Variants in VCPIP1 observed in about 807,000 individuals in gnomAD.
The protein encoded by VCPIP1 is valosin containing protein interacting protein 1.
VCPIP1 carries 8 observed loss-of-function variants against 85.0 expected under a neutral mutation model. The observed-to-expected ratio is 0.09, with a 90% CI of 0.06 to 0.17. The LOEUF is 0.17. Ranked by LOEUF, VCPIP1 falls within the 10% of genes least tolerant of loss-of-function variation. The pLI is 1.00. For missense variants in VCPIP1, 1,070 were observed against 1,486.3 expected, an observed-to-expected ratio of 0.72 and a Z score of 4.61; for synonymous variants, 543 against 544.5, an observed-to-expected ratio of 1.00 and a Z score of 0.04.
chr8:66,635,259 T>C lies in VCPIP1; in HGVS notation c.2911A>G (p.Ile971Val). 1.2e-6 allele frequency: 2 copies of C among 1,614,168 alleles called. No individual in the cohort carries two copies. Among genetic ancestry groups the C allele is most frequent in the Middle Eastern group, 3.3e-4 (2 of 6,062 alleles). The change falls in exon 3 of 3, where the codon ATT (isoleucine) becomes GTT (valine). Residue 971 changes from isoleucine to valine, a missense_variant. Transcript: ENST00000310421. ...LCVDAAGHFPIGPDVEDLVKE... is the reference protein window; with the variant it reads ...LCVDAAGHFPVGPDVEDLVKE... The stretch of plus-strand genomic sequence containing the variant: ...ACTAAATCTTCAACATCAGGACCAA[T>C]GGGGAAATGTCCTGCAGCATCCACA...
At chr8:66,651,922 G>A (rs1339205633) in intron 1 of VCPIP1, among the ~76,000 whole-genome samples, 3 of 151,146 alleles carry the variant, frequency 2.0e-5, no homozygotes, top group Admixed American at 6.6e-5. Flanking sequence ...GCTCATGCCT[G>A]TAACCCCAGT....
intron 2 of VCPIP1, among the ~76,000 whole-genome samples, chr8:66,638,970 C>CTCTCTCTATATATATATA: frequency 1.4e-4 from 17 of 118,430 alleles, no homozygotes; most frequent in Admixed American, 5.1e-4. Flanking sequence ...CTCTCTCTCT[C>CTCTCTCTATATATATATA]TATATATATA....
intron 2 of VCPIP1, among the ~76,000 whole-genome samples, chr8:66,636,290 G>A (rs973801939): frequency 1.4e-5 from 2 of 147,678 alleles, no homozygotes; most frequent in Admixed American, 1.4e-4. Context: ...GATTGCTACT[G>A]AGATGCTTTT....
Position 66,666,077 on chromosome 8 carries a change from A to C in VCPIP1, c.882T>G (p.Gly294=). 1 of 1,614,186 alleles carries C rather than the reference A, an allele frequency of 6.2e-7. No homozygotes were observed. Among genetic ancestry groups the C allele is most frequent in the Non-Finnish European group, 8.5e-7 (1 of 1,180,050 alleles). The change falls in exon 1 of 3, where the codon GGT becomes GGG. Residue 294 remains glycine (G), a synonymous_variant. Coordinates refer to ENST00000310421, the MANE Select transcript of VCPIP1 (RefSeq NM_025054.5). This position sits in a 1 kb window ranked among gnomAD's most constrained non-coding sequence, Gnocchi z 6.3. The part of the protein sequence containing the change: ...PLGLRNIHIF[G]LANVLHRPII... The stretch of plus-strand genomic sequence containing the variant: ...TAGGACGATGTAGCACATTGGCAAG[A>C]CCAAATATGTGGATATTCCTCAGGC...
chr8:66,656,015 T>C lies in VCPIP1; in HGVS notation c.2711-4471A>G, dbSNP rs868385940. ...GTGGTACTATGAACGCTTTTTCTTTTGGTTTATCCAATTTTTTTCCTATTT... is the reference window on the plus strand; with the variant it reads ...GTGGTACTATGAACGCTTTTTCTTTCGGTTTATCCAATTTTTTTCCTATTT... On this transcript the variant is annotated intron_variant, in intron 1 of 2. Coordinates refer to ENST00000310421, the MANE Select transcript of VCPIP1 (RefSeq NM_025054.5). Among the ~76,000 whole-genome samples, 8 of 152,262 alleles carry C rather than the reference T, an allele frequency of 5.3e-5. No individual in the cohort carries two copies. In the South Asian group the frequency reaches 6.2e-4, roughly 12 times the overall value.
rs1051652031 is a variant in VCPIP1, at chr8:66,665,537, G to T, written c.1422C>A (p.Ala474=). 1 of 1,614,032 alleles carries T rather than the reference G, an allele frequency of 6.2e-7. No homozygotes were observed. The highest frequency in any genetic ancestry group is 1.7e-5 in the Admixed American group (1 of 59,998). The part of the protein sequence containing the change: ...NRLHKCLLCG[A]LSELHVPPEW... Reference sequence around the variant, plus strand: ...CTGGAGGAACATGAAGTTCAGAAAGGGCACCACAGAGCAAACATTTGTGAA... The same window carrying T: ...CTGGAGGAACATGAAGTTCAGAAAGTGCACCACAGAGCAAACATTTGTGAA... The change falls in exon 1 of 3, where the codon GCC becomes GCA. Residue 474 remains alanine (A), a synonymous_variant. Coordinates refer to ENST00000310421, the MANE Select transcript of VCPIP1 (RefSeq NM_025054.5). This position sits in a 1 kb window ranked among gnomAD's most constrained non-coding sequence, Gnocchi z 4.3.
chr8:66,656,211 T>A (rs529367198), intron 1 of VCPIP1, among the ~76,000 whole-genome samples: 46 of 152,350 alleles, frequency 3.0e-4, no homozygotes, highest in Non-Finnish European at 6.0e-4. Context: ...TATTTATTTT[T>A]TGAGATAGGG....
At chr8:66,646,572 G>T (rs1211333675) in intron 2 of VCPIP1, among the ~76,000 whole-genome samples, 1 of 151,946 alleles carries the variant, frequency 6.6e-6, no homozygotes, top group East Asian at 1.9e-4. Flanking sequence ...GAGGAAGGCA[G>T]ATCACTTGAG....
intron 2 of VCPIP1, among the ~76,000 whole-genome samples, chr8:66,636,927 C>T (rs1398438843): frequency 6.6e-6 from 1 of 151,982 alleles, no homozygotes; most frequent in Non-Finnish European, 1.5e-5. Flanking sequence ...GCTGCAACAG[C>T]AGGAAACAAA....
Position 66,628,714 on chromosome 8 carries a change from T to A in VCPIP1, c.*5787A>T, listed in dbSNP as rs1469909489. On this transcript the variant is annotated 3_prime_UTR_variant, in exon 3 of 3. Coordinates refer to ENST00000310421, the MANE Select transcript of VCPIP1 (RefSeq NM_025054.5). ...ACCTCAAGTCCAAGTTTGGGATAAC[T>A]GTAGCCAACACCTAAAGGAAAGGTA... 1 of 152,236 alleles carries A rather than the reference T, an allele frequency of 6.6e-6. No homozygotes were observed. The highest frequency in any genetic ancestry group is 1.5e-5 in the Non-Finnish European group (1 of 68,034). The allele number at this position is 152,236 out of a possible 1,614,324, so 9.4% of individuals were successfully genotyped here. A position where few individuals can be genotyped will look rare whatever the true frequency, so the allele number is the denominator to read the frequency against.
At position 66,644,750 on chromosome 8, in the gene VCPIP1, T is replaced by G. The variant is rs534917856; in HGVS notation, c.2797+6708A>C. ...CTAAAAGTTGCTAAAATATGTGAGT[T>G]TAGCAAGGTCACACATGGGGTACAA... On this transcript the variant is annotated intron_variant, in intron 2 of 2. Coordinates refer to ENST00000310421, the MANE Select transcript of VCPIP1 (RefSeq NM_025054.5). Among the ~76,000 whole-genome samples the G allele has an allele frequency of 2.0e-5, 3 of 151,970 alleles. No individual in the cohort carries two copies. The East Asian group carries it at 5.8e-4, about 29-fold the overall frequency.
At chr8:66,641,222 T>C (rs1046006216) in intron 2 of VCPIP1, among the ~76,000 whole-genome samples, 2 of 152,200 alleles carry the variant, frequency 1.3e-5, no homozygotes, top group African/African-American at 2.4e-5. Context: ...TCAAGGGAAC[T>C]ATCCCGTTTC....
intron 2 of VCPIP1, among the ~76,000 whole-genome samples, chr8:66,644,559 G>T (rs1370449386): frequency 2.0e-5 from 3 of 152,094 alleles, no homozygotes; most frequent in African/African-American, 7.2e-5. Flanking sequence ...CTTACAAAAG[G>T]TATCTGTGAA....
intron 2 of VCPIP1, among the ~76,000 whole-genome samples, chr8:66,638,216 G>A (rs1810907828): frequency 6.6e-6 from 1 of 151,900 alleles, no homozygotes; most frequent in African/African-American, 2.4e-5. Context: ...AGTCAGCCAG[G>A]TTTGGGGCTC....
chr8:66,635,441 T>TTATA, intron 2 of VCPIP1, 69 bp from the exon 3 acceptor site: 2 of 1,380,718 alleles, frequency 1.4e-6, no homozygotes, highest in South Asian at 1.5e-5. Context: ...GTCAAGACAA[T>TTATA]TATAGTTAAA....
Position 66,634,865 on chromosome 8 carries a change from A to G in VCPIP1, c.3305T>C (p.Val1102Ala), listed in dbSNP as rs752173307. 1.2e-6 allele frequency: 2 copies of G among 1,614,158 alleles called. No individual in the cohort carries two copies. Among genetic ancestry groups the G allele is most frequent in the East Asian group, 2.2e-5 (1 of 44,892 alleles). ...RDGRQLDPDL[V>A]EAQRKKLQEM... ...CTGCAATTTTTTTCGCTGGGCCTCAACCAAATCAGGATCAAGCTGCCTGCC... is the reference window on the plus strand; with the variant it reads ...CTGCAATTTTTTTCGCTGGGCCTCAGCCAAATCAGGATCAAGCTGCCTGCC... The change falls in exon 3 of 3, where the codon GTT (valine) becomes GCT (alanine). Residue 1102 changes from valine to alanine, a missense_variant. Transcript: ENST00000310421.
intron 2 of VCPIP1, among the ~76,000 whole-genome samples, chr8:66,643,884 CAAAAAAAAAAA>C (rs35921029): frequency 4.3e-5 from 3 of 70,512 alleles, no homozygotes; most frequent in East Asian, 1.1e-3. Flanking sequence ...AATGGACAGC[CAAAAAAAAAAA>C]AAAAAAAAGA....
At chr8:66,647,114 G>A (rs569487756) in intron 2 of VCPIP1, among the ~76,000 whole-genome samples, 7 of 152,178 alleles carry the variant, frequency 4.6e-5, no homozygotes, top group East Asian at 1.9e-4. Flanking sequence ...AGGCCAAGGC[G>A]GATGGACCAC....
chr8:66,651,078 G>A (rs964953572), intron 2 of VCPIP1, among the ~76,000 whole-genome samples: 4 of 149,576 alleles, frequency 2.7e-5, no homozygotes, highest in East Asian at 2.0e-4. Flanking sequence ...CTAGCTACTC[G>A]AGAAGCTGAG....
Sources: allele counts gnomAD v4.1 joint callset (sites outside exome capture counted in the v4.1 genomes callset), GRCh38; gene constraint gnomAD v4.1.1; non-coding constraint Gnocchi (gnomAD v3.1); transcripts MANE v1.5; gene names NCBI Gene and HGNC (gene_info 2026-07-23, HGNC 2026-07-21).